SNTB1: variants seen among roughly 807,000 people sequenced by gnomAD.
SNTB1 encodes the protein beta-1-syntrophin.
Under a neutral mutation model 48.9 loss-of-function variants are expected in SNTB1, and 36 were observed. The observed-to-expected ratio is 0.74, with a 90% CI of 0.56 to 0.97. The LOEUF is 0.97. SNTB1 is among the 50% of genes least tolerant of loss of function. The pLI is 0.00. For missense variants in SNTB1, 786 were observed against 703.4 expected (o/e 1.12, Z -1.33); for synonymous variants, 299 against 294.6 (o/e 1.01, Z -0.15).
At chr8:120,752,432 C>T (rs1057451610) in intron 1 of SNTB1, among the ~76,000 whole-genome samples, 2 of 152,060 alleles carry the variant, frequency 1.3e-5, no homozygotes, top group Non-Finnish European at 2.9e-5. Context: ...CCATCAATCT[C>T]ATTATTGAGT....
intron 2 of SNTB1, among the ~76,000 whole-genome samples, chr8:120,672,172 A>T (rs1015709707): frequency 2.0e-5 from 3 of 152,184 alleles, no homozygotes; most frequent in African/African-American, 7.2e-5. Flanking sequence ...AGGCTAAGCT[A>T]AGCTATGACG....
chr8:120,545,442 C>A lies in SNTB1; in HGVS notation c.1333+3320G>T, dbSNP rs567679860. Among the ~76,000 whole-genome samples, 5 of 152,346 alleles carry A rather than the reference C, an allele frequency of 3.3e-5. No homozygotes were observed. The East Asian group carries it at 9.6e-4, about 29-fold the overall frequency. ...CATGGGCCAGCAGCATCAGAACCAC[C>A]TGGAATCTTGTTAAATGCAAATTCT... On this transcript the variant is annotated intron_variant, in intron 5 of 6. Coordinates refer to ENST00000517992, the MANE Select transcript of SNTB1 (RefSeq NM_021021.4).
At chr8:120,677,050 T>G (rs1817848950) in intron 2 of SNTB1, among the ~76,000 whole-genome samples, 1 of 136,606 alleles carries the variant, frequency 7.3e-6, no homozygotes, top group African/African-American at 2.9e-5. Flanking sequence ...GGTGACAGAG[T>G]GAGACCCTAT....
intron 1 of SNTB1, among the ~76,000 whole-genome samples, chr8:120,734,471 G>T (rs1818909070): frequency 6.7e-6 from 1 of 150,104 alleles, no homozygotes. Context: ...AGCTTTATTT[G>T]CAAAATTGTC....
At chr8:120,545,292 C>T (rs553495450) in intron 5 of SNTB1, among the ~76,000 whole-genome samples, 1 of 152,174 alleles carries the variant, frequency 6.6e-6, no homozygotes. Context: ...TGCAGGGAGC[C>T]GAGATCATGC....
intron 4 of SNTB1, among the ~76,000 whole-genome samples, chr8:120,562,749 G>A (rs1815681801): frequency 6.6e-6 from 1 of 152,118 alleles, no homozygotes; most frequent in African/African-American, 2.4e-5. Flanking sequence ...GCTGGCCTGA[G>A]GCAGCTACTA....
chr8:120,627,811 C>A (rs1022868615), intron 3 of SNTB1, among the ~76,000 whole-genome samples: 5 of 152,094 alleles, frequency 3.3e-5, no homozygotes, highest in Non-Finnish European at 7.4e-5. Context: ...GTTTCCTGGG[C>A]CCGTTTATTA....
intron 1 of SNTB1, among the ~76,000 whole-genome samples, chr8:120,746,034 A>G (rs1042202191): frequency 6.6e-6 from 1 of 152,264 alleles, no homozygotes; most frequent in East Asian, 1.9e-4. Flanking sequence ...ACACAGTCAC[A>G]CTCATTATCC....
chr8:120,692,230 A>G (rs1042435039), intron 2 of SNTB1, among the ~76,000 whole-genome samples: 1 of 152,110 alleles, frequency 6.6e-6, no homozygotes, highest in African/African-American at 2.4e-5. Flanking sequence ...GCTAACTGAG[A>G]TGAGAACAAA....
chr8:120,710,079 C>T (rs545625225), intron 1 of SNTB1, among the ~76,000 whole-genome samples: 2 of 152,168 alleles, frequency 1.3e-5, no homozygotes, highest in African/African-American at 2.4e-5. Flanking sequence ...CACTATCCCC[C>T]CTCCGTTTCC....
At chr8:120,655,178 T>C (rs1035975757) in intron 2 of SNTB1, 2 of 248,350 alleles carry the variant, frequency 8.1e-6, no homozygotes, top group Non-Finnish European at 1.6e-5. Context: ...ATTAGAAAAC[T>C]TAAAAAAAAG....
chr8:120,571,333 C>G, intron 4 of SNTB1: 1 of 1,288,172 alleles, frequency 7.8e-7, no homozygotes, highest in South Asian at 1.2e-5. Context: ...GGGAATGTCT[C>G]AGAATCTGAA....
At chr8:120,608,768 A>G (rs545374337) in intron 3 of SNTB1, among the ~76,000 whole-genome samples, 2 of 152,374 alleles carry the variant, frequency 1.3e-5, no homozygotes, top group South Asian at 2.1e-4. Context: ...TGGAAGAAAG[A>G]AAAGGACTCT....
At chr8:120,649,829 C>T (rs1374076578) in intron 2 of SNTB1, among the ~76,000 whole-genome samples, 2 of 152,038 alleles carry the variant, frequency 1.3e-5, no homozygotes, top group East Asian at 1.9e-4. Flanking sequence ...ACTCCGTGGG[C>T]GTAGGACCCT....
At chr8:120,674,779 C>G (rs1393295384) in intron 2 of SNTB1, among the ~76,000 whole-genome samples, 1 of 152,084 alleles carries the variant, frequency 6.6e-6, no homozygotes, top group Non-Finnish European at 1.5e-5. Flanking sequence ...AGAAAGGGTA[C>G]AGAAGTGAGG....
At chr8:120,715,573 A>G (rs1283714962) in intron 1 of SNTB1, among the ~76,000 whole-genome samples, 1 of 152,218 alleles carries the variant, frequency 6.6e-6, no homozygotes, top group East Asian at 1.9e-4. Flanking sequence ...GAGGATGCCT[A>G]GAAGGTATTA....
intron 3 of SNTB1, among the ~76,000 whole-genome samples, chr8:120,578,946 G>A (rs910743285): frequency 1.3e-5 from 2 of 152,216 alleles, no homozygotes; most frequent in African/African-American, 4.8e-5. Context: ...GGAGGCCGAG[G>A]TGGGCAGATC....
In SNTB1 at chr8:120,556,245, G is replaced by A. The variant is rs531276362; in HGVS notation, c.1137-7287C>T. On this transcript the variant is annotated intron_variant, in intron 4 of 6. Transcript: ENST00000517992. ...GGATTATGGAAGAGAGTCGGAACCC[G>A]CTTCTGGTAGATGACAAGCAAAGAA... Among the ~76,000 whole-genome samples, 4 of 152,228 alleles carry A rather than the reference G, an allele frequency of 2.6e-5. No homozygotes were observed. In the South Asian group the frequency reaches 6.2e-4, roughly 24 times the overall value.
At chr8:120,673,822 G>T (rs932413172) in intron 2 of SNTB1, among the ~76,000 whole-genome samples, 1 of 152,162 alleles carries the variant, frequency 6.6e-6, no homozygotes, top group African/African-American at 2.4e-5. Context: ...GGGTCTTCAG[G>T]ACAAGCAGTT....
Sources: gnomAD v4.1 joint callset for allele counts (sites outside exome capture counted in the v4.1 genomes callset) on GRCh38, gnomAD v4.1.1 for gene constraint, MANE v1.5 for transcripts, NCBI Gene and HGNC (gene_info 2026-07-23, HGNC 2026-07-21) for gene names.